The following TPH2 variants were observed in gnomAD, a reference collection of about 807,000 sequenced individuals.
The protein encoded by TPH2 is tryptophan hydroxylase 2, also known as tryptophan 5-hydroxylase 2.
A neutral mutation model predicts 59.1 loss-of-function variants in TPH2; 27 were observed. The observed-to-expected ratio is 0.46, with a 90% CI of 0.34 to 0.63. TPH2 has a LOEUF of 0.63. Ranked by LOEUF, TPH2 falls within the 30% of genes least tolerant of loss-of-function variation. TPH2 has a pLI of 0.01. For missense variants in TPH2, 523 were observed against 588.3 expected (o/e 0.89, Z 1.15); for synonymous variants, 220 against 210.5 (o/e 1.05, Z -0.39).
chr12:72,013,623 T>A (rs11179045), intron 8 of TPH2, among the ~76,000 whole-genome samples: 7,081 of 152,316 alleles, frequency 0.046, 308 homozygotes, highest in East Asian at 0.17. Context: ...AATTCAAGAT[T>A]GAATGAGATG....
At chr12:71,985,335 T>C (rs1248452380) in intron 7 of TPH2, among the ~76,000 whole-genome samples, 1 of 150,784 alleles carries the variant, frequency 6.6e-6, no homozygotes, top group Non-Finnish European at 1.5e-5. Flanking sequence ...AATAGCATTT[T>C]TGTTGTTGTT....
In TPH2 at chr12:72,022,407, C is replaced by A; in HGVS notation, c.1077C>A (p.Phe359Leu). Reference protein sequence around the residue: ...EDVQKLATCYFFTIEFGLCKQ... With the variant: ...EDVQKLATCYLFTIEFGLCKQ... ...TGTTCGTTTTTCTTCAGTGCTATTT[C>A]TTCACAATCGAGTTTGGCCTTTGCA... is the stretch of plus-strand genomic sequence containing the variant. The change falls in exon 9 of 11, where the codon TTC becomes TTA. Residue 359 changes from phenylalanine (F) to leucine (L), a missense_variant. Physicochemically the swap from Phe to Leu is conservative, Grantham distance 22. Transcript: ENST00000333850. 1.2e-6 allele frequency: 2 copies of A among 1,613,838 alleles called. No homozygotes were observed. The highest frequency in any genetic ancestry group is 1.7e-6 in the Non-Finnish European group (2 of 1,179,748).
chr12:71,953,234 G>A (rs1197019081), intron 5 of TPH2, among the ~76,000 whole-genome samples: 1 of 152,014 alleles, frequency 6.6e-6, no homozygotes, highest in African/African-American at 2.4e-5. Flanking sequence ...GATGAACTGA[G>A]GAAGGTGCCT....
At chr12:71,986,529 A>G (rs1467499725) in intron 7 of TPH2, among the ~76,000 whole-genome samples, 1 of 152,084 alleles carries the variant, frequency 6.6e-6, no homozygotes, top group Non-Finnish European at 1.5e-5. Context: ...GCAGTTAGAA[A>G]CCAAAATTGT....
chr12:72,020,104 C>T (rs925371757), intron 8 of TPH2, among the ~76,000 whole-genome samples: 4 of 152,184 alleles, frequency 2.6e-5, no homozygotes, highest in African/African-American at 9.7e-5. Context: ...GATGATGTTG[C>T]TCTTCTGGGA....
intron 7 of TPH2, among the ~76,000 whole-genome samples, chr12:71,989,730 A>G (rs1447417132): frequency 1.3e-5 from 2 of 152,234 alleles, no homozygotes; most frequent in Non-Finnish European, 2.9e-5. Context: ...GAAAAATGCC[A>G]GACTCATTTT....
intron 8 of TPH2, among the ~76,000 whole-genome samples, chr12:72,008,971 G>A (rs1227049080): frequency 1.3e-5 from 2 of 152,090 alleles, no homozygotes; most frequent in East Asian, 3.9e-4. Flanking sequence ...GTGTATGCCT[G>A]CATCTTGCTT....
At chr12:71,993,895 G>C (rs940300955) in intron 7 of TPH2, among the ~76,000 whole-genome samples, 1 of 152,116 alleles carries the variant, frequency 6.6e-6, no homozygotes, top group Non-Finnish European at 1.5e-5. Flanking sequence ...TTTCTGTAAA[G>C]GGCCAGCTAG....
intron 5 of TPH2, among the ~76,000 whole-genome samples, chr12:71,961,072 A>G (rs1271398417): frequency 6.6e-6 from 1 of 152,142 alleles, no homozygotes; most frequent in Non-Finnish European, 1.5e-5. Context: ...CGAATGAGGA[A>G]ACGGAGGCCA....
chr12:71,983,729 C>CAGAG (rs1872351638), intron 7 of TPH2, among the ~76,000 whole-genome samples: 1 of 151,322 alleles, frequency 6.6e-6, no homozygotes, highest in African/African-American at 2.4e-5. Context: ...GAGAGTCAGG[C>CAGAG]AGAGAGAGAA....
At chr12:71,974,336 G>A (rs1191034037) in intron 6 of TPH2, among the ~76,000 whole-genome samples, 1 of 152,094 alleles carries the variant, frequency 6.6e-6, no homozygotes, top group African/African-American at 2.4e-5. Flanking sequence ...CACAGCTCTG[G>A]AGCTAAGAAG....
chr12:72,016,617 G>A (rs1193455376), intron 8 of TPH2, among the ~76,000 whole-genome samples: 1 of 151,972 alleles, frequency 6.6e-6, no homozygotes, highest in African/African-American at 2.4e-5. Flanking sequence ...CTTGCTTCCT[G>A]CCTATGTGCT....
chr12:72,026,182 A>G (rs1165907786), intron 9 of TPH2, among the ~76,000 whole-genome samples: 1 of 151,946 alleles, frequency 6.6e-6, no homozygotes, highest in African/African-American at 2.4e-5. Flanking sequence ...AGATATTTAT[A>G]TCTTTCAGGC....
At chr12:72,020,157 G>C (rs1873370790) in intron 8 of TPH2, among the ~76,000 whole-genome samples, 1 of 152,158 alleles carries the variant, frequency 6.6e-6, no homozygotes, top group African/African-American at 2.4e-5. Context: ...GTTACAAAGG[G>C]GGTGGGAGTG....
Position 71,943,561 on chromosome 12 carries a change from A to T in TPH2, c.256-733A>T, listed in dbSNP as rs183227004. ...ATCCTTGGCTGAAGCTAGTTTGAAG[A>T]TTGCCAAAAGAGAGCAATTATTAAA... On this transcript the variant is annotated intron_variant, in intron 2 of 10. Transcript: ENST00000333850. Among the ~76,000 whole-genome samples, 497 of 152,284 alleles carry T rather than the reference A, an allele frequency of 3.3e-3. 5 individuals are homozygous for T. The highest frequency in any genetic ancestry group is 0.012 in the African/African-American group (481 of 41,580).
intron 6 of TPH2, among the ~76,000 whole-genome samples, chr12:71,977,704 A>G (rs145903423): frequency 1.8e-3 from 279 of 152,276 alleles, no homozygotes; most frequent in Admixed American, 6.5e-3. Context: ...GCACTGCTTT[A>G]TGTCATTCAC....
intron 1 of TPH2, among the ~76,000 whole-genome samples, chr12:71,939,395 C>CAAAAA (rs5799057): frequency 8.2e-6 from 1 of 121,680 alleles, no homozygotes; most frequent in African/African-American, 3.2e-5. Context: ...AATCTACAGC[C>CAAAAA]AAAAAAAAAA....
chr12:72,022,662 G>A (rs939696675), intron 9 of TPH2, among the ~76,000 whole-genome samples, 168 bp downstream of exon 9: 8 of 152,210 alleles, frequency 5.3e-5, no homozygotes, highest in African/African-American at 1.9e-4. Context: ...TCGCACTTGT[G>A]AAAATGGGTC....
intron 8 of TPH2, among the ~76,000 whole-genome samples, chr12:72,002,065 T>C (rs948288178): frequency 2.6e-5 from 4 of 152,102 alleles, no homozygotes; most frequent in Non-Finnish European, 5.9e-5. Context: ...AGTCTCACCA[T>C]AAAAATAATA....
Sources: gnomAD v4.1 joint callset for allele counts (sites outside exome capture counted in the v4.1 genomes callset) on GRCh38, gnomAD v4.1.1 for gene constraint, MANE v1.5 for transcripts, NCBI Gene and HGNC (gene_info 2026-07-23, HGNC 2026-07-21) for gene names.